The following ZNF24 variants were observed in gnomAD, a reference collection of about 807,000 sequenced individuals.
ZNF24 encodes zinc finger protein 24.
In ZNF24, 11 loss-of-function variants were observed where a neutral mutation model predicts 40.9. The observed-to-expected ratio is 0.27, with a 90% CI of 0.17 to 0.45. The LOEUF (loss-of-function observed/expected upper bound fraction) is 0.45. Ranked by LOEUF, ZNF24 falls within the 20% of genes least tolerant of loss-of-function variation. The pLI is 1.00. For missense variants in ZNF24, 293 were observed against 437.7 expected, an observed-to-expected ratio of 0.67 and a Z score of 2.95; for synonymous variants, 139 against 154.7, an observed-to-expected ratio of 0.90 and a Z score of 0.75.
In ZNF24 at chr18:35,340,733, C is replaced by A; in HGVS notation, c.-83G>T. ...ATACCCCGTTTTCTTCACAGGCACTCCTGAGGCATAAGAAATAAAAGATAT... is the reference window on the plus strand; with the variant it reads ...ATACCCCGTTTTCTTCACAGGCACTACTGAGGCATAAGAAATAAAAGATAT... On this transcript the variant is annotated splice_region_variant and 5_prime_UTR_variant, in exon 2 of 4. Coordinates refer to ENST00000261332, the MANE Select transcript of ZNF24 (RefSeq NM_006965.4). This position sits in a 1 kb window ranked among gnomAD's most constrained non-coding sequence, Gnocchi z 4.6. 8.0e-7 allele frequency: 1 copy of A among 1,248,916 alleles called. No individual in the cohort carries two copies. The highest frequency in any genetic ancestry group is 1.1e-6 in the Non-Finnish European group (1 of 903,286). The allele number at this position is 1,248,916 out of a possible 1,614,324, so 77.4% of individuals were successfully genotyped here. A position where few individuals can be genotyped will look rare whatever the true frequency, so the allele number is the denominator to read the frequency against.
chr18:35,338,516 G>A (rs564244294), intron 3 of ZNF24: 2 of 985,654 alleles, frequency 2.0e-6, no homozygotes, highest in Non-Finnish European at 2.4e-6. Context: ...CTCACACGCA[G>A]GCAGAGATAA....
chr18:35,337,139 A>C lies in ZNF24; in HGVS notation c.*93T>G. On this transcript the variant is annotated 3_prime_UTR_variant, in exon 4 of 4. Transcript: ENST00000261332. ...TGGATTTTCTGACAGTCAATAGGGA[A>C]AAAACTATTCTGCATCATTTCATAT... 7.4e-6 allele frequency: 8 copies of C among 1,081,192 alleles called. No individual in the cohort carries two copies. Among genetic ancestry groups the C allele is most frequent in the Non-Finnish European group, 9.8e-6 (8 of 817,034 alleles). 67.0% of individuals were successfully genotyped at this position (1,081,192 alleles called of 1,614,324 possible).
In ZNF24 at chr18:35,337,536, A is replaced by C. The variant is rs1186095857; in HGVS notation, c.803T>G (p.Leu268Arg). The change falls in exon 4 of 4, where the codon CTT becomes CGT. Residue 268 changes from leucine (L) to arginine (R), a missense_variant. Around this residue, in one of 2 missense-constraint regions of ZNF24, gnomAD observed 59 missense variants for 138.6 expected, o/e 0.43. Transcript: ENST00000261332. ...CTCCCCACTGTGAATTCTTTGATGA[A>C]GAATAAGGGCTGAGCCCTGACTGAA... ...KHFSQGSALI[L>R]HQRIHSGEKP... is the part of the protein sequence containing the mutation. 1 of 1,614,170 alleles carries C rather than the reference A, an allele frequency of 6.2e-7. No individual in the cohort carries two copies. The highest frequency in any genetic ancestry group is 1.3e-5 in the African/African-American group (1 of 75,066).
chr18:35,332,925 G>T lies in ZNF24; in HGVS notation c.*4307C>A, dbSNP rs750541858. ...CTCACCATTTTTTTTTATAATCAGG[G>T]AAATGCAAAATAAGAAAAGGTTCTT... On this transcript the variant is annotated 3_prime_UTR_variant, in exon 4 of 4. Transcript: ENST00000261332. 8 of 152,124 alleles carry T rather than the reference G, an allele frequency of 5.3e-5. No homozygotes were observed. The highest frequency in any genetic ancestry group is 7.4e-5 in the Non-Finnish European group (5 of 67,986). 9.4% of individuals were successfully genotyped at this position (152,124 alleles called of 1,614,324 possible). A position where few individuals can be genotyped will look rare whatever the true frequency, so the allele number is the denominator to read the frequency against.
chr18:35,343,944 G>T, intron 1 of ZNF24: 1 of 152,720 alleles, frequency 6.5e-6, no homozygotes, highest in South Asian at 2.0e-4. Context: ...GCCACCCTGT[G>T]ACAACAGCGT....
rs1402073092 is a variant in ZNF24 at position 35,333,838 on chromosome 18, C to A, written c.*3394G>T. ...TAATTACACTTCTATCTATAATGAACCTAATTATCAATCCATAGGGGATTA... is the reference window on the plus strand; with the variant it reads ...TAATTACACTTCTATCTATAATGAAACTAATTATCAATCCATAGGGGATTA... On this transcript the variant is annotated 3_prime_UTR_variant, in exon 4 of 4. Coordinates refer to ENST00000261332, the MANE Select transcript of ZNF24 (RefSeq NM_006965.4). 1 of 152,040 alleles carries A rather than the reference C, an allele frequency of 6.6e-6. No individual in the cohort carries two copies. The highest frequency in any genetic ancestry group is 2.4e-5 in the African/African-American group (1 of 41,374). 9.4% of individuals were successfully genotyped at this position (152,040 alleles called of 1,614,324 possible).
intron 3 of ZNF24, chr18:35,339,035 C>T: frequency 6.5e-7 from 1 of 1,536,032 alleles, no homozygotes; most frequent in Non-Finnish European, 8.7e-7. Flanking sequence ...CATTCAGTGG[C>T]ATACCAGCAC....
chr18:35,338,410 A>G, intron 3 of ZNF24: 1 of 985,424 alleles, frequency 1.0e-6, no homozygotes, highest in Non-Finnish European at 1.2e-6. Flanking sequence ...CCCATGTGGT[A>G]TTTGTCATGG....
chr18:35,340,209 G>A lies in ZNF24; in HGVS notation c.420+22C>T. ...ACCTATGCCAGTGCTTCTGACACAG[G>A]AAATGACACAAGCAGGCTCACCGGT... On this transcript the variant is annotated intron_variant, in intron 2 of 3. Coordinates refer to ENST00000261332, the MANE Select transcript of ZNF24 (RefSeq NM_006965.4). The surrounding 1 kb of genome is among the most constrained non-coding windows in gnomAD (Gnocchi z 4.6). 6.2e-7 allele frequency: 1 copy of A among 1,604,394 alleles called. No individual in the cohort carries two copies.
intron 3 of ZNF24, chr18:35,338,672 A>G (rs1161894147): frequency 1.1e-5 from 12 of 1,057,538 alleles, no homozygotes; most frequent in Non-Finnish European, 1.4e-5. Context: ...AGGCTAAGAG[A>G]GAGAGACTGA....
rs927907192 is a variant in ZNF24 at position 35,334,108 on chromosome 18, C to G, written c.*3124G>C. 6.6e-5 allele frequency: 10 copies of G among 152,026 alleles called. No individual in the cohort carries two copies. Among genetic ancestry groups the G allele is most frequent in the African/African-American group, 2.4e-4 (10 of 41,378 alleles). The allele number at this position is 152,026 out of a possible 1,614,324, so 9.4% of individuals were successfully genotyped here. On this transcript the variant is annotated 3_prime_UTR_variant, in exon 4 of 4. Coordinates refer to ENST00000261332, the MANE Select transcript of ZNF24 (RefSeq NM_006965.4). ...TGATTAAATAAGTATATGCCTAAAT[C>G]TGGAAGAACAAACGAAATTATCATG... is the stretch of plus-strand genomic sequence containing the variant.
At position 35,332,261 on chromosome 18, in the gene ZNF24, T is replaced by C. The variant is rs1044121129; in HGVS notation, c.*4971A>G. 2 of 152,222 alleles carry C rather than the reference T, an allele frequency of 1.3e-5. No homozygotes were observed. Among genetic ancestry groups the C allele is most frequent in the African/African-American group, 2.4e-5 (1 of 41,458 alleles). 9.4% of individuals were successfully genotyped at this position (152,222 alleles called of 1,614,324 possible). On this transcript the variant is annotated 3_prime_UTR_variant, in exon 4 of 4. Transcript: ENST00000261332. ...GCCATGCTAATTTTATTAACTTATA[T>C]AGTGCATAAAGTCTAGAATTTAAAA...
intron 3 of ZNF24, chr18:35,338,284 G>C: frequency 1.0e-6 from 1 of 985,544 alleles, no homozygotes; most frequent in African/African-American, 1.7e-5. Context: ...GAACACAGGA[G>C]TCTTGACAAG....
At chr18:35,338,513 G>A (rs1460518529) in intron 3 of ZNF24, 10 of 985,580 alleles carry the variant, frequency 1.0e-5, no homozygotes, top group Non-Finnish European at 1.2e-5. Context: ...TCACTCACAC[G>A]CAGGCAGAGA....
rs1348883680 is a variant in ZNF24 at position 35,335,027 on chromosome 18, C to T, written c.*2205G>A. On this transcript the variant is annotated 3_prime_UTR_variant, in exon 4 of 4. Transcript: ENST00000261332. The stretch of plus-strand genomic sequence containing the variant: ...AATATCTTTGGCATTTATGACAAAT[C>T]TACCACAGGGAAGCTTCCTTGTATA... 6.6e-6 allele frequency: 1 copy of T among 152,188 alleles called. No individual in the cohort carries two copies. The highest frequency in any genetic ancestry group is 2.4e-5 in the African/African-American group (1 of 41,438). The allele number at this position is 152,188 out of a possible 1,614,324, so 9.4% of individuals were successfully genotyped here. A position where few individuals can be genotyped will look rare whatever the true frequency, so the allele number is the denominator to read the frequency against.
intron 3 of ZNF24, chr18:35,338,316 G>A (rs746718901): frequency 1.1e-5 from 11 of 985,328 alleles, no homozygotes; most frequent in Non-Finnish European, 1.3e-5. Context: ...GATAAGCTGG[G>A]GGCCTCCTGT....
In ZNF24 at chr18:35,340,325, T is replaced by C. The variant is rs985934020; in HGVS notation, c.326A>G (p.Gln109Arg). Residue 109 changes from glutamine to arginine, a missense_variant, in exon 2 of 4, where the codon CAG becomes CGG. Gln to Arg is a conservative substitution (Grantham distance 43). Transcript: ENST00000261332. The surrounding 1 kb of genome is among the most constrained non-coding windows in gnomAD (Gnocchi z 4.6). ...TGGATGATGATCTCGAACCCAAGTC[T>C]GTAGCTCTTTGGGTAGGATGGCAAC... ...QFVAILPKEL[Q>R]TWVRDHHPEN... is the part of the protein sequence containing the mutation. The C allele has an allele frequency of 6.2e-7, 1 of 1,614,102 alleles. No individual in the cohort carries two copies. The highest frequency in any genetic ancestry group is 1.7e-5 in the Admixed American group (1 of 60,006).
chr18:35,338,974 TTGACTGGC>T, intron 3 of ZNF24: 1 of 1,519,960 alleles, frequency 6.6e-7, no homozygotes, highest in Non-Finnish European at 8.8e-7. Context: ...ACCCCAAAAG[TTGACTGGC>T]TGGCACTGTC....
rs2143854318 is a variant in ZNF24, at chr18:35,340,037, CG to C, written c.421-62del. 4 of 1,559,566 alleles carry C rather than the reference CG, an allele frequency of 2.6e-6. No individual in the cohort carries two copies. Among genetic ancestry groups the C allele is most frequent in the East Asian group, 2.3e-5 (1 of 44,056 alleles). ...GTAATGAGAATCAGAACTAAAAACA[CG>C]TAAGAGAAACCCCATGAAACAAATA... On this transcript the variant is annotated intron_variant, in intron 2 of 3. Coordinates refer to ENST00000261332, the MANE Select transcript of ZNF24 (RefSeq NM_006965.4). This position sits in a 1 kb window ranked among gnomAD's most constrained non-coding sequence, Gnocchi z 4.6.
Sources: gnomAD v4.1 joint callset for allele counts on GRCh38, gnomAD v4.1.1 for gene constraint, gnomAD v4.1.1 regional missense constraint, Gnocchi (gnomAD v3.1) non-coding constraint, MANE v1.5 for transcripts, NCBI Gene and HGNC (gene_info 2026-07-23, HGNC 2026-07-21) for gene names.